Variants in TMEM255B observed in about 807,000 individuals in gnomAD.
The protein encoded by TMEM255B is transmembrane protein 255B, also known as family with sequence similarity 70, member B.
TMEM255B carries 35 observed loss-of-function variants against 34.5 expected under a neutral mutation model. The ratio of observed to expected loss-of-function variants is 1.01; its 90% CI spans 0.77 to 1.34. TMEM255B has a LOEUF of 1.34. TMEM255B is among the 40% of genes most tolerant of loss of function. The pLI is 0.00. For missense variants in TMEM255B, 432 were observed against 433.2 expected (o/e 1.00, Z 0.02); for synonymous variants, 206 against 201.2 (o/e 1.02, Z -0.20).
At chr13:113,788,870 G>A (rs560593041) in intron 3 of TMEM255B, among the ~76,000 whole-genome samples, 142 of 152,172 alleles carry the variant, frequency 9.3e-4, no homozygotes, top group African/African-American at 3.2e-3. Context: ...CACTGCACCC[G>A]GGGGCCGCGC....
intron 3 of TMEM255B, among the ~76,000 whole-genome samples, chr13:113,776,297 G>A (rs1242613663): frequency 2.6e-5 from 4 of 152,214 alleles, no homozygotes; most frequent in African/African-American, 9.6e-5. Context: ...CGGAAACTAG[G>A]TCTAGTTACA....
chr13:113,794,494 G>A (rs1182837147), intron 3 of TMEM255B, among the ~76,000 whole-genome samples: 3 of 152,104 alleles, frequency 2.0e-5, no homozygotes, highest in South Asian at 2.1e-4. Flanking sequence ...GGCCATTCAG[G>A]AGGGTCTGCT....
In TMEM255B at chr13:113,812,107, C is replaced by G; in HGVS notation, c.*204C>G. The G allele has an allele frequency of 1.6e-6, 1 of 644,380 alleles. No homozygotes were observed. Among genetic ancestry groups the G allele is most frequent in the African/African-American group, 1.9e-5 (1 of 53,570 alleles). The allele number at this position is 644,380 out of a possible 1,614,324, so 39.9% of individuals were successfully genotyped here. Reference sequence around the variant, plus strand: ...GGGCCCTCCAGACCCAGGCTGGTGACACCTTGGCTTGGGCTCTGCTCACAT... The same window carrying G: ...GGGCCCTCCAGACCCAGGCTGGTGAGACCTTGGCTTGGGCTCTGCTCACAT... On this transcript the variant is annotated 3_prime_UTR_variant, in exon 9 of 9. Coordinates refer to ENST00000375353, the MANE Select transcript of TMEM255B (RefSeq NM_182614.4).
At chr13:113,803,634 A>AGCCC (rs2051106279) in intron 7 of TMEM255B, among the ~76,000 whole-genome samples, 1 of 118,272 alleles carries the variant, frequency 8.5e-6, no homozygotes, top group African/African-American at 2.9e-5. Context: ...TCAGAACTGC[A>AGCCC]AATCTCCTGC....
intron 3 of TMEM255B, among the ~76,000 whole-genome samples, chr13:113,771,279 T>G (rs774213244): frequency 3.9e-5 from 6 of 152,204 alleles, no homozygotes; most frequent in Non-Finnish European, 8.8e-5. Flanking sequence ...TGGGCTTGTG[T>G]GTGGAGGCAG....
intron 4 of TMEM255B, among the ~76,000 whole-genome samples, chr13:113,797,372 C>G (rs1415910094): frequency 1.3e-5 from 2 of 152,224 alleles, no homozygotes; most frequent in African/African-American, 2.4e-5. Flanking sequence ...CTAAGGGCGT[C>G]ATATGGGGAG....
chr13:113,794,110 G>A (rs1291962485), intron 3 of TMEM255B, among the ~76,000 whole-genome samples: 1 of 152,218 alleles, frequency 6.6e-6, no homozygotes, highest in African/African-American at 2.4e-5. Context: ...ATCGGGGGAA[G>A]AGGCCACAGC....
chr13:113,811,934 GTTT>G lies in TMEM255B; in HGVS notation c.*40_*42del, dbSNP rs374564555. On this transcript the variant is annotated 3_prime_UTR_variant, in exon 9 of 9. Coordinates refer to ENST00000375353, the MANE Select transcript of TMEM255B (RefSeq NM_182614.4). ...GCGTGGAGTAAAAGATAACTTGTTT[GTTT>G]TTTTTTTTAAAAAAAAGGCAGCCTC... is the stretch of plus-strand genomic sequence containing the variant. 172 of 1,364,610 alleles carry G rather than the reference GTTT, an allele frequency of 1.3e-4. No homozygotes were observed. The highest frequency in any genetic ancestry group is 8.1e-4 in the East Asian group (33 of 40,898). 84.5% of individuals were successfully genotyped at this position (1,364,610 alleles called of 1,614,324 possible).
intron 7 of TMEM255B, among the ~76,000 whole-genome samples, chr13:113,802,501 A>G (rs1206772788): frequency 3.9e-5 from 6 of 152,190 alleles, no homozygotes; most frequent in Non-Finnish European, 7.4e-5. Context: ...TCCAAACGGC[A>G]GCCCAGGGAC....
Position 113,812,231 on chromosome 13 carries a change from C to CAAAG in TMEM255B, c.*330_*333dup. On this transcript the variant is annotated 3_prime_UTR_variant, in exon 9 of 9. Transcript: ENST00000375353. Reference sequence around the variant, plus strand: ...TTAATTAGCTATTATTATGATTTTGCAAAGACAGTGCAGCCCCGGCCTCCC... The same window carrying CAAAG: ...TTAATTAGCTATTATTATGATTTTGCAAAGAAAGACAGTGCAGCCCCGGCCTCCC... 2 of 366,132 alleles carry CAAAG rather than the reference C, an allele frequency of 5.5e-6. No homozygotes were observed. The highest frequency in any genetic ancestry group is 7.5e-5 in the South Asian group (2 of 26,784). The allele number at this position is 366,132 out of a possible 1,614,324, so 22.7% of individuals were successfully genotyped here. A position where few individuals can be genotyped will look rare whatever the true frequency, so the allele number is the denominator to read the frequency against.
At chr13:113,763,740 C>A (rs778095375) in intron 1 of TMEM255B, among the ~76,000 whole-genome samples, 1 of 152,234 alleles carries the variant, frequency 6.6e-6, no homozygotes, top group African/African-American at 2.4e-5. Context: ...TTCTGAGCAG[C>A]GTAAAAATCA....
intron 3 of TMEM255B, among the ~76,000 whole-genome samples, chr13:113,779,313 C>T (rs746880729): frequency 2.6e-5 from 4 of 152,234 alleles, no homozygotes; most frequent in Non-Finnish European, 4.4e-5. Context: ...TTGAAAAGGA[C>T]GAGGGGTGAT....
At chr13:113,802,339 C>T (rs1044524245) in intron 7 of TMEM255B, among the ~76,000 whole-genome samples, 8 of 152,216 alleles carry the variant, frequency 5.3e-5, no homozygotes, top group Non-Finnish European at 8.8e-5. Context: ...GGCCGGATGT[C>T]CTCTCTCTTC....
rs114749819 is a variant in TMEM255B, at chr13:113,777,279, T to C, written c.252+8119T>C. ...TGTCTCCCTCTCCTCTATCTCTCTG[T>C]CTCTGTCTCCCTCTCTATCTCTCTG... is the stretch of plus-strand genomic sequence containing the variant. On this transcript the variant is annotated intron_variant, in intron 3 of 8. Transcript: ENST00000375353. Among the ~76,000 whole-genome samples the C allele has an allele frequency of 5.2e-3, 790 of 152,146 alleles. 7 individuals are homozygous for C. The highest frequency in any genetic ancestry group is 0.019 in the African/African-American group (769 of 41,522).
At chr13:113,789,839 CT>C (rs1225251761) in intron 3 of TMEM255B, among the ~76,000 whole-genome samples, 1 of 152,096 alleles carries the variant, frequency 6.6e-6, no homozygotes, top group Non-Finnish European at 1.5e-5. Flanking sequence ...CATGGACATC[CT>C]AGCCCTGGAC....
intron 4 of TMEM255B, among the ~76,000 whole-genome samples, chr13:113,796,737 G>A (rs906865623): frequency 4.6e-5 from 7 of 152,208 alleles, no homozygotes; most frequent in Non-Finnish European, 7.3e-5. Flanking sequence ...GCTGGTCCCC[G>A]GGAGCAGCCG....
rs1044317410 is a variant in TMEM255B at position 113,806,009 on chromosome 13, C to T, written c.813+981C>T. 9.9e-5 allele frequency among the ~76,000 whole-genome samples: 15 copies of T among 152,144 alleles called. No individual in the cohort carries two copies. The highest frequency in any genetic ancestry group is 2.1e-4 in the South Asian group (1 of 4,828). On this transcript the variant is annotated intron_variant, in intron 8 of 8. Transcript: ENST00000375353. This position sits in a 1 kb window ranked among gnomAD's most constrained non-coding sequence, Gnocchi z 4.2. ...TCTGTGCGGGGAAGGGCAGGGTGAACGTGGGGAGTCGTGAGTTTTGAAGTC... is the reference window on the plus strand; with the variant it reads ...TCTGTGCGGGGAAGGGCAGGGTGAATGTGGGGAGTCGTGAGTTTTGAAGTC...
chr13:113,791,646 G>T (rs2050833879), intron 3 of TMEM255B, among the ~76,000 whole-genome samples: 1 of 152,222 alleles, frequency 6.6e-6, no homozygotes, highest in Non-Finnish European at 1.5e-5. Flanking sequence ...CCTTAGAGCC[G>T]CACCTGCAAA....
intron 1 of TMEM255B, among the ~76,000 whole-genome samples, chr13:113,763,087 A>G (rs56727814): frequency 0.21 from 31,631 of 152,136 alleles, 4,113 homozygotes; most frequent in African/African-American, 0.36. Flanking sequence ...GAAGGCACCT[A>G]GCATTTGGCT....
Sources: allele counts gnomAD v4.1 joint callset (sites outside exome capture counted in the v4.1 genomes callset), GRCh38; gene constraint gnomAD v4.1.1; non-coding constraint Gnocchi (gnomAD v3.1); transcripts MANE v1.5; gene names NCBI Gene and HGNC (gene_info 2026-07-23, HGNC 2026-07-21).